AGMO: variants seen among roughly 807,000 people sequenced by gnomAD.
AGMO encodes glyceryl-ether monooxygenase.
In AGMO, 75 loss-of-function variants were observed where a neutral mutation model predicts 60.2. The observed-to-expected ratio is 1.25, with a 90% CI of 1.03 to 1.51. The LOEUF is 1.51. Ranked by LOEUF, AGMO falls within the 40% of genes most tolerant of loss-of-function variation. The pLI is 0.00. For missense variants in AGMO, 763 were observed against 525.5 expected, an observed-to-expected ratio of 1.45 and a Z score of -4.42; for synonymous variants, 261 against 177.1, an observed-to-expected ratio of 1.47 and a Z score of -3.76.
chr7:15,496,515 T>G (rs2128523323), intron 3 of AGMO, among the ~76,000 whole-genome samples: 1 of 151,040 alleles, frequency 6.6e-6, no homozygotes, highest in Non-Finnish European at 1.5e-5. Context: ...CTGGCATTTT[T>G]TCGTATTTGC....
intron 12 of AGMO, among the ~76,000 whole-genome samples, chr7:15,355,182 A>C (rs1782475511): frequency 6.6e-6 from 1 of 152,118 alleles, no homozygotes; most frequent in African/African-American, 2.4e-5. Flanking sequence ...CTGTGCACTT[A>C]AAATTAAAAC....
At chr7:15,139,866 G>A in the AGMO span, among the ~76,000 whole-genome samples, 1 of 148,528 alleles carries the variant, frequency 6.7e-6, no homozygotes, top group African/African-American at 2.5e-5. Context: ...AGTTAGTGGT[G>A]ATTCACTTTC....
chr7:15,299,720 T>C (rs572755505), intron 12 of AGMO, among the ~76,000 whole-genome samples: 2 of 151,842 alleles, frequency 1.3e-5, no homozygotes, highest in East Asian at 1.9e-4. Flanking sequence ...TCCAGCTACT[T>C]GGGAGGCTGA....
At position 15,204,068 on chromosome 7, in the gene AGMO, G is replaced by A. The variant is rs576776527; in HGVS notation, c.1264-2709C>T. 5.3e-5 allele frequency among the ~76,000 whole-genome samples: 8 copies of A among 152,164 alleles called. No homozygotes were observed. The South Asian group carries it at 1.7e-3, about 32-fold the overall frequency. On this transcript the variant is annotated intron_variant, in intron 12 of 12. Coordinates refer to ENST00000342526, the MANE Select transcript of AGMO (RefSeq NM_001004320.2). ...CATAAATGTGCCCTTCTAAAAATAT[G>A]TGACTCTGAAATATTCACCATTCCA...
intron 12 of AGMO, among the ~76,000 whole-genome samples, chr7:15,315,328 C>CTTTTTTTTTTTTTTTTTT (rs1178276622): frequency 4.1e-5 from 2 of 48,198 alleles, no homozygotes; most frequent in African/African-American, 1.5e-4. Flanking sequence ...TGGATATTTG[C>CTTTTTTTTTTTTTTTTTT]TTTTTTTTTT....
chr7:15,278,586 T>A (rs931869625), intron 12 of AGMO, among the ~76,000 whole-genome samples: 3 of 152,030 alleles, frequency 2.0e-5, no homozygotes, highest in African/African-American at 7.2e-5. Context: ...TCTAGCGCGT[T>A]TCACTGGAAA....
chr7:15,403,133 G>C (rs1175045925), intron 5 of AGMO, among the ~76,000 whole-genome samples: 2 of 151,714 alleles, frequency 1.3e-5, no homozygotes, highest in Non-Finnish European at 2.9e-5. Flanking sequence ...AGAGATATTT[G>C]AATTTATAAT....
At chr7:15,398,143 G>T (rs1015254167) in intron 5 of AGMO, among the ~76,000 whole-genome samples, 3 of 152,122 alleles carry the variant, frequency 2.0e-5, no homozygotes, top group Non-Finnish European at 4.4e-5. Flanking sequence ...TGGGTGGAGA[G>T]GACTACACTG....
chr7:15,289,849 G>A (rs1324398688), intron 12 of AGMO, among the ~76,000 whole-genome samples: 1 of 151,524 alleles, frequency 6.6e-6, no homozygotes, highest in African/African-American at 2.4e-5. Context: ...ATTCTCTTGG[G>A]TAGGGATCTA....
At chr7:15,388,471 A>G (rs1784012771) in intron 8 of AGMO, among the ~76,000 whole-genome samples, 1 of 152,242 alleles carries the variant, frequency 6.6e-6, no homozygotes, top group African/African-American at 2.4e-5. Flanking sequence ...TATAATGTAC[A>G]TTAATATACT....
rs1247556567 is a variant in AGMO, at chr7:15,532,704, T to C, written c.409+12068A>G. On this transcript the variant is annotated intron_variant, in intron 3 of 12. Coordinates refer to ENST00000342526, the MANE Select transcript of AGMO (RefSeq NM_001004320.2). Reference sequence around the variant, plus strand: ...GCATCTTGTCAACTATAAAACATCTTCCTAGGCTGGGTGCGGTGGTTCATG... The same window carrying C: ...GCATCTTGTCAACTATAAAACATCTCCCTAGGCTGGGTGCGGTGGTTCATG... 7.3e-5 allele frequency among the ~76,000 whole-genome samples: 5 copies of C among 68,458 alleles called. No individual in the cohort carries two copies. The East Asian group carries it at 0.013, about 173-fold the overall frequency. 44.9% of individuals were successfully genotyped at this position (68,458 alleles called of 152,430 possible).
At chr7:15,159,515 G>C in the AGMO span, among the ~76,000 whole-genome samples, 2 of 152,102 alleles carry the variant, frequency 1.3e-5, no homozygotes, top group Non-Finnish European at 2.9e-5. Context: ...TTCTCATTTA[G>C]AATGTACATT....
the AGMO span, among the ~76,000 whole-genome samples, chr7:15,126,437 G>A: frequency 6.6e-6 from 1 of 151,986 alleles, no homozygotes; most frequent in Non-Finnish European, 1.5e-5. Context: ...ATTACTGCCT[G>A]TAATCATGGG....
At chr7:15,124,346 C>T in the AGMO span, among the ~76,000 whole-genome samples, 6 of 151,834 alleles carry the variant, frequency 4.0e-5, no homozygotes, top group African/African-American at 7.3e-5. Context: ...ATCCAATATG[C>T]GTGGCCAGAT....
chr7:15,528,921 T>A (rs987656646), intron 3 of AGMO, among the ~76,000 whole-genome samples: 1 of 152,146 alleles, frequency 6.6e-6, no homozygotes, highest in Admixed American at 6.5e-5. Flanking sequence ...GCACTGGGAT[T>A]AGAGGCATGA....
intron 6 of AGMO, among the ~76,000 whole-genome samples, chr7:15,391,410 C>G (rs893507813): frequency 4.6e-5 from 7 of 151,992 alleles, no homozygotes; most frequent in Non-Finnish European, 8.8e-5. Flanking sequence ...ATAAACTACC[C>G]TTAACTTTTT....
intron 12 of AGMO, among the ~76,000 whole-genome samples, chr7:15,227,609 G>A (rs1207607834): frequency 6.6e-6 from 1 of 151,892 alleles, no homozygotes; most frequent in Non-Finnish European, 1.5e-5. Context: ...GCCAACTGGA[G>A]TCTGCACAAA....
In AGMO at chr7:15,480,937, G is replaced by A. The variant is rs188883532; in HGVS notation, c.410-49829C>T. On this transcript the variant is annotated intron_variant, in intron 3 of 12. Coordinates refer to ENST00000342526, the MANE Select transcript of AGMO (RefSeq NM_001004320.2). ...TCTTGGGCATCAGAGAGAAATAAAAGCAGCACATTAATTATGTTCAAGCAT... is the reference window on the plus strand; with the variant it reads ...TCTTGGGCATCAGAGAGAAATAAAAACAGCACATTAATTATGTTCAAGCAT... 2.8e-5 allele frequency among the ~76,000 whole-genome samples: 4 copies of A among 140,864 alleles called. No individual in the cohort carries two copies. The East Asian group carries it at 5.8e-4, about 21-fold the overall frequency. The allele number at this position is 140,864 out of a possible 152,430, so 92.4% of individuals were successfully genotyped here.
At chr7:15,542,756 A>AT (rs909756520) in intron 3 of AGMO, among the ~76,000 whole-genome samples, 38 of 152,290 alleles carry the variant, frequency 2.5e-4, no homozygotes, top group African/African-American at 9.1e-4. Flanking sequence ...ATCATGTTTG[A>AT]TTTTGGAGTA....
Sources: gnomAD v4.1 joint callset for allele counts (sites outside exome capture counted in the v4.1 genomes callset) on GRCh38, gnomAD v4.1.1 for gene constraint, MANE v1.5 for transcripts, NCBI Gene and HGNC (gene_info 2026-07-23, HGNC 2026-07-21) for gene names.